IPO7: variants seen among roughly 807,000 people sequenced by gnomAD.
IPO7 encodes the protein importin-7.
A neutral mutation model predicts 136.4 loss-of-function variants in IPO7; 13 were observed. The ratio of observed to expected loss-of-function variants is 0.10; its 90% CI spans 0.06 to 0.15. The LOEUF (loss-of-function observed/expected upper bound fraction) is 0.15, where lower values mean the gene tolerates loss of function less well. IPO7 is among the 10% of genes least tolerant of loss of function. IPO7 has a pLI of 1.00. For missense variants in IPO7, 857 were observed against 1,240.6 expected, an observed-to-expected ratio of 0.69 and a Z score of 4.65; for synonymous variants, 403 against 404.4, an observed-to-expected ratio of 1.00 and a Z score of 0.04.
chr11:9,438,308 A>G, intron 22 of IPO7, 23 bp downstream of exon 22: 2 of 1,373,272 alleles, frequency 1.5e-6, no homozygotes, highest in Non-Finnish European at 2.1e-6. Flanking sequence ...CAATGGAAGA[A>G]GACAAAACTT....
At chr11:9,405,300 G>T (rs1309287504) in intron 2 of IPO7, among the ~76,000 whole-genome samples, 1 of 151,872 alleles carries the variant, frequency 6.6e-6, no homozygotes, top group Admixed American at 6.6e-5. Flanking sequence ...TCAGCCTCCC[G>T]AGTAGCTGGG....
intron 13 of IPO7, 197 bp from the exon 14 acceptor site, chr11:9,428,834 T>A (rs1855250204): frequency 1.3e-6 from 1 of 784,720 alleles, no homozygotes; most frequent in African/African-American, 1.7e-5. Context: ...TGTTTTTCAT[T>A]CAGATCTTGC....
intron 1 of IPO7, among the ~76,000 whole-genome samples, chr11:9,402,489 C>T (rs887059567): frequency 6.7e-6 from 1 of 148,364 alleles, no homozygotes. Context: ...TTTCAGAGGT[C>T]GAGGCGGGTG....
chr11:9,398,976 T>A (rs1418023136), intron 1 of IPO7, among the ~76,000 whole-genome samples: 1 of 152,150 alleles, frequency 6.6e-6, no homozygotes, highest in Non-Finnish European at 1.5e-5. Flanking sequence ...GGACAAGATG[T>A]CTTCATGTAG....
rs756185290 is a variant in IPO7, at chr11:9,423,756, T to G, written c.1042-21T>G. ...AATTTGAAAACTGATGGTTATTGTTTTCTTAACTTTTAAATTGCAGGGCAT... is the reference window on the plus strand; with the variant it reads ...AATTTGAAAACTGATGGTTATTGTTGTCTTAACTTTTAAATTGCAGGGCAT... On this transcript the variant is annotated intron_variant, in intron 9 of 24. Transcript: ENST00000379719. The G allele has an allele frequency of 1.3e-5, 19 of 1,465,998 alleles. No homozygotes were observed. The African/African-American group carries it at 2.7e-4, about 21-fold the overall frequency. The allele number at this position is 1,465,998 out of a possible 1,614,324, so 90.8% of individuals were successfully genotyped here. A position where few individuals can be genotyped will look rare whatever the true frequency, so the allele number is the denominator to read the frequency against.
rs11042347 is a variant in IPO7, at chr11:9,424,657, T to C, written c.1142-257T>C. ...ACTTGGGAGGCTGAGGCAGGAGAAT[T>C]GCTTGAACCTGGGAGATGGAGGTTA... On this transcript the variant is annotated intron_variant, in intron 10 of 24. Coordinates refer to ENST00000379719, the MANE Select transcript of IPO7 (RefSeq NM_006391.3). Among the ~76,000 whole-genome samples the C allele has an allele frequency of 4.1e-3, 630 of 152,212 alleles. 2 individuals are homozygous for C. Among genetic ancestry groups the C allele is most frequent in the Non-Finnish European group, 6.8e-3 (460 of 68,014 alleles).
chr11:9,445,057 G>A (rs779560757), intron 24 of IPO7, 40 bp from the exon 25 acceptor site: 5 of 1,237,568 alleles, frequency 4.0e-6, no homozygotes, highest in Non-Finnish European at 6.0e-6. Context: ...CAAGTTAGTA[G>A]ATGATTGAAT....
Position 9,420,525 on chromosome 11 carries a change from G to T in IPO7, c.821+20G>T. 2 of 1,580,726 alleles carry T rather than the reference G, an allele frequency of 1.3e-6. No individual in the cohort carries two copies. Among genetic ancestry groups the T allele is most frequent in the South Asian group, 2.2e-5 (2 of 89,992 alleles). ...TGAAAGGTAATCTCATCCATATATG[G>T]TGATTTAAATTAATTTATTAAGGTT... On this transcript the variant is annotated intron_variant, in intron 7 of 24. Coordinates refer to ENST00000379719, the MANE Select transcript of IPO7 (RefSeq NM_006391.3).
intron 1 of IPO7, among the ~76,000 whole-genome samples, chr11:9,397,659 C>T (rs4910051): frequency 0.45 from 67,595 of 151,430 alleles, 17,006 homozygotes; most frequent in Non-Finnish European, 0.56. Flanking sequence ...AGATTGTATA[C>T]GCAAAACCAT....
intron 23 of IPO7, 39 bp downstream of exon 23, chr11:9,440,700 C>G (rs1394088258): frequency 4.9e-6 from 7 of 1,430,248 alleles, no homozygotes; most frequent in Non-Finnish European, 6.9e-6. Context: ...TTTCATTGAA[C>G]AAATCTGTTG....
At chr11:9,407,797 A>T (rs996501935) in intron 2 of IPO7, among the ~76,000 whole-genome samples, 1 of 152,176 alleles carries the variant, frequency 6.6e-6, no homozygotes, top group Non-Finnish European at 1.5e-5. Flanking sequence ...CATCTTACAG[A>T]TTTGTGACTC....
intron 1 of IPO7, among the ~76,000 whole-genome samples, chr11:9,399,907 G>A (rs1404401742): frequency 6.6e-6 from 1 of 152,018 alleles, no homozygotes; most frequent in Non-Finnish European, 1.5e-5. Flanking sequence ...TGTATTAGGG[G>A]ATCCTCCTTT....
At position 9,436,333 on chromosome 11, in the gene IPO7, C is replaced by G; in HGVS notation, c.2235C>G (p.Ile745Met). The change falls in exon 20 of 25, where the codon ATC (isoleucine) becomes ATG (methionine). Residue 745 changes from isoleucine to methionine, a missense_variant. Ile to Met is a conservative substitution (Grantham distance 10, BLOSUM62 1). This residue lies in a region of IPO7 where 190 missense variants were observed against 249.0 expected (regional missense o/e 0.76). Transcript: ENST00000379719. ...ECHAAKLLEV[I>M]ILQCKGRGID... ...ATGCAGCAAAATTGTTAGAGGTCAT[C>G]ATTCTGCAGTGCAAAGGGCGTGGCA... is the stretch of plus-strand genomic sequence containing the variant. 2 of 1,613,770 alleles carry G rather than the reference C, an allele frequency of 1.2e-6. No individual in the cohort carries two copies. The highest frequency in any genetic ancestry group is 8.5e-7 in the Non-Finnish European group (1 of 1,179,710).
chr11:9,420,571 A>G, intron 7 of IPO7, 43 bp from the exon 8 acceptor site: 1 of 1,562,636 alleles, frequency 6.4e-7, no homozygotes, highest in African/African-American at 1.4e-5. Flanking sequence ...GTGCTAGCAT[A>G]AAGCATTATA....
At chr11:9,426,019 C>T (rs1405695633) in intron 12 of IPO7, among the ~76,000 whole-genome samples, 2 of 151,954 alleles carry the variant, frequency 1.3e-5, no homozygotes, top group African/African-American at 2.4e-5. Flanking sequence ...GCACTCCATG[C>T]TCCAGTCCAG....
intron 23 of IPO7, among the ~76,000 whole-genome samples, chr11:9,441,730 A>C (rs1855462086): frequency 6.6e-6 from 1 of 152,148 alleles, no homozygotes; most frequent in Admixed American, 6.6e-5. Flanking sequence ...GATGATTTTC[A>C]AGTTGCTTTA....
chr11:9,393,006 T>C (rs1334160547), intron 1 of IPO7, among the ~76,000 whole-genome samples: 1 of 151,530 alleles, frequency 6.6e-6, no homozygotes, highest in East Asian at 1.9e-4. Flanking sequence ...ATACTGACAT[T>C]AGTGATTACA....
At chr11:9,426,967 C>A (rs1855218948) in intron 12 of IPO7, among the ~76,000 whole-genome samples, 1 of 151,974 alleles carries the variant, frequency 6.6e-6, no homozygotes, top group Admixed American at 6.6e-5. Flanking sequence ...CAACCTCTAC[C>A]TTCCGGGTTC....
rs1164303193 is a variant in IPO7 at position 9,414,619 on chromosome 11, C to CTTTTTTTTTTTTTTTTTTTTTTT, written c.636+213_636+235dup. ...AAATACATAAACAACCCTAATGAAT[C>CTTTTTTTTTTTTTTTTTTTTTTT]TTTTTTTTTTTTTTTTTTTTTTTTT... On this transcript the variant is annotated intron_variant, in intron 5 of 24. Coordinates refer to ENST00000379719, the MANE Select transcript of IPO7 (RefSeq NM_006391.3). 4.2e-5 allele frequency: 3 copies of CTTTTTTTTTTTTTTTTTTTTTTT among 71,068 alleles called. 1 individual carries two copies. The highest frequency in any genetic ancestry group is 7.8e-5 in the Non-Finnish European group (3 of 38,222). The allele number at this position is 71,068 out of a possible 1,614,324, so 4.4% of individuals were successfully genotyped here.
Sources: allele counts gnomAD v4.1 joint callset (sites outside exome capture counted in the v4.1 genomes callset), GRCh38; gene constraint gnomAD v4.1.1; regional missense constraint gnomAD v4.1.1; transcripts MANE v1.5; gene names NCBI Gene and HGNC (gene_info 2026-07-23, HGNC 2026-07-21).